Variants in TNKS2 observed in about 807,000 individuals in gnomAD.
The protein encoded by TNKS2 is poly [ADP-ribose] polymerase tankyrase-2.
TNKS2 carries 72 observed loss-of-function variants against 137.6 expected under a neutral mutation model. The ratio of observed to expected loss-of-function variants is 0.52; its 90% confidence interval spans 0.43 to 0.64. TNKS2 has a LOEUF of 0.64. Ranked by LOEUF, TNKS2 falls within the 30% of genes least tolerant of loss-of-function variation. TNKS2 has a pLI of 0.00. For missense variants in TNKS2, 1,049 were observed against 1,410.2 expected, an observed-to-expected ratio of 0.74 and a Z score of 4.10; for synonymous variants, 516 against 512.1, an observed-to-expected ratio of 1.01 and a Z score of -0.10.
intron 12 of TNKS2, chr10:91,836,664 A>T: frequency 1.0e-6 from 1 of 985,350 alleles, no homozygotes; most frequent in Non-Finnish European, 1.2e-6. Flanking sequence ...ATGTTCCTTT[A>T]TATTGCTTAC....
chr10:91,826,565 A>G (rs1845077175), intron 7 of TNKS2, among the ~76,000 whole-genome samples: 1 of 152,222 alleles, frequency 6.6e-6, no homozygotes, highest in Non-Finnish European at 1.5e-5. Context: ...GATATATCTA[A>G]TATGTGGCCA....
At chr10:91,841,757 C>T (rs901929052) in intron 15 of TNKS2, among the ~76,000 whole-genome samples, 28 of 152,070 alleles carry the variant, frequency 1.8e-4, no homozygotes, top group African/African-American at 6.5e-4. Flanking sequence ...TATTTACTTA[C>T]AAGCCAGATT....
At chr10:91,831,831 GCAGTTTTTA>G (rs1047998969) in intron 11 of TNKS2, among the ~76,000 whole-genome samples, 1 of 152,060 alleles carries the variant, frequency 6.6e-6, no homozygotes, top group African/African-American at 2.4e-5. Flanking sequence ...ACCTAATTCA[GCAGTTTTTA>G]CAGTTTTTAG....
At chr10:91,810,902 C>CTTTCTTTTT (rs1844475893) in intron 1 of TNKS2, among the ~76,000 whole-genome samples, 3 of 118,636 alleles carry the variant, frequency 2.5e-5, no homozygotes, top group South Asian at 2.8e-4. Context: ...TTTTTCTTTT[C>CTTTCTTTTT]TTTCTCTCTT....
chr10:91,845,672 G>T, intron 17 of TNKS2, 80 bp from the exon 18 acceptor site: 1 of 1,150,082 alleles, frequency 8.7e-7, no homozygotes, highest in Non-Finnish European at 1.2e-6. Flanking sequence ...GTGGAAGTAG[G>T]TACGTAACTA....
chr10:91,861,878 T>TA, intron 25 of TNKS2, 121 bp from the exon 26 acceptor site: 3 of 871,058 alleles, frequency 3.4e-6, no homozygotes, highest in Non-Finnish European at 3.4e-6. Flanking sequence ...GGTGAAATGA[T>TA]AAAAACAATT....
At chr10:91,857,312 C>G in intron 23 of TNKS2, 113 bp from the exon 24 acceptor site, 1 of 511,790 alleles carries the variant, frequency 2.0e-6, no homozygotes, top group Non-Finnish European at 3.4e-6. Context: ...TTTTATATTT[C>G]AGAGTACAGT....
rs1362337851 is a variant in TNKS2 at position 91,844,904 on chromosome 10, T to A, written c.2060-15T>A. 1 of 1,569,946 alleles carries A rather than the reference T, an allele frequency of 6.4e-7. No homozygotes were observed. The highest frequency in any genetic ancestry group is 2.3e-5 in the East Asian group (1 of 44,306). On this transcript the variant is annotated splice_polypyrimidine_tract_variant and intron_variant, in intron 16 of 26. Coordinates refer to ENST00000371627, the MANE Select transcript of TNKS2 (RefSeq NM_025235.4). ...AAAAAACAAGTAAAGTAATTTTACT[T>A]CTTTTCTAAATTAGCTGGTTATAAT... is the stretch of plus-strand genomic sequence containing the variant.
chr10:91,831,669 T>C (rs1049520791), intron 11 of TNKS2, among the ~76,000 whole-genome samples: 1 of 152,218 alleles, frequency 6.6e-6, no homozygotes, highest in Non-Finnish European at 1.5e-5. Context: ...GGTAAGTTAC[T>C]GTTCTTTAGT....
At chr10:91,851,728 TA>T (rs755119549) in intron 21 of TNKS2, among the ~76,000 whole-genome samples, 16 of 152,196 alleles carry the variant, frequency 1.1e-4, no homozygotes, top group Non-Finnish European at 1.5e-4. Flanking sequence ...GGCTAACCCT[TA>T]AAGTACTATA....
In TNKS2 at chr10:91,863,088, T is replaced by C. The variant is rs897547352; in HGVS notation, c.*89T>C. 3.3e-6 allele frequency: 3 copies of C among 907,700 alleles called. No individual in the cohort carries two copies. The highest frequency in any genetic ancestry group is 5.2e-6 in the Non-Finnish European group (3 of 580,342). The allele number at this position is 907,700 out of a possible 1,614,324, so 56.2% of individuals were successfully genotyped here. On this transcript the variant is annotated 3_prime_UTR_variant, in exon 27 of 27. Transcript: ENST00000371627. ...GTTTTACTCCTTTGCTGAAAAAAAATCATCTTGCCCACAGGCCTGTGGCAA... is the reference window on the plus strand; with the variant it reads ...GTTTTACTCCTTTGCTGAAAAAAAACCATCTTGCCCACAGGCCTGTGGCAA...
chr10:91,853,874 T>C (rs1034363842), intron 21 of TNKS2, among the ~76,000 whole-genome samples: 10 of 152,192 alleles, frequency 6.6e-5, no homozygotes, highest in Admixed American at 1.3e-4. Context: ...AACCCAGCAG[T>C]AAAGGATTTG....
chr10:91,825,602 A>G lies in TNKS2; in HGVS notation c.796-1415A>G, dbSNP rs147050329. 4.5e-3 allele frequency among the ~76,000 whole-genome samples: 684 copies of G among 152,336 alleles called. 9 individuals are homozygous for G. The highest frequency in any genetic ancestry group is 0.016 in the African/African-American group (649 of 41,592). On this transcript the variant is annotated intron_variant, in intron 7 of 26. Transcript: ENST00000371627. ...TTTGTAACAACAGAAGTTCTCTAGT[A>G]ATTATAAAAAGCCATGTTACTGCAA...
intron 3 of TNKS2, among the ~76,000 whole-genome samples, chr10:91,818,476 ATGT>A (rs1362803306): frequency 6.6e-6 from 1 of 152,046 alleles, no homozygotes; most frequent in African/African-American, 2.4e-5. Context: ...CATTTCTATA[ATGT>A]TGGTATATTG....
chr10:91,845,495 T>C (rs1664557470), intron 17 of TNKS2, among the ~76,000 whole-genome samples: 1 of 152,254 alleles, frequency 6.6e-6, no homozygotes, highest in Non-Finnish European at 1.5e-5. Flanking sequence ...TTAGAAATTA[T>C]TGAAGTCATA....
chr10:91,857,609 A>G, intron 24 of TNKS2, 79 bp downstream of exon 24: 1 of 822,060 alleles, frequency 1.2e-6, no homozygotes, highest in Non-Finnish European at 1.9e-6. Flanking sequence ...AATAATAATA[A>G]GCCTGTATAT....
intron 1 of TNKS2, among the ~76,000 whole-genome samples, chr10:91,811,786 G>A (rs532843381): frequency 7.2e-5 from 11 of 152,286 alleles, no homozygotes; most frequent in African/African-American, 2.6e-4. Context: ...AGGGCTGGGC[G>A]CAGTGGCTCA....
At position 91,825,525 on chromosome 10, in the gene TNKS2, G is replaced by A. The variant is rs1422097652; in HGVS notation, c.796-1492G>A. The stretch of plus-strand genomic sequence containing the variant: ...CTTTATGATGTCTTTTGCTCCAAAG[G>A]CAAATAGATGAAAGTTAAAAGTGCA... On this transcript the variant is annotated intron_variant, in intron 7 of 26. Transcript: ENST00000371627. Among the ~76,000 whole-genome samples, 6 of 152,080 alleles carry A rather than the reference G, an allele frequency of 3.9e-5. No individual in the cohort carries two copies. The East Asian group carries it at 1.2e-3, about 29-fold the overall frequency.
Position 91,814,340 on chromosome 10 carries a change from G to C in TNKS2, c.424+1133G>C, listed in dbSNP as rs74918832. On this transcript the variant is annotated intron_variant, in intron 2 of 26. Transcript: ENST00000371627. ...TTTTGTATAGCTGTACATAGTGTTT[G>C]TGTTTTAAGCTGTTATTACAAAAGT... Among the ~76,000 whole-genome samples, 685 of 152,268 alleles carry C rather than the reference G, an allele frequency of 4.5e-3. 10 individuals carry two copies. Among genetic ancestry groups the C allele is most frequent in the African/African-American group, 0.016 (651 of 41,558 alleles).
Sources: gnomAD v4.1 joint callset for allele counts (sites outside exome capture counted in the v4.1 genomes callset) on GRCh38, gnomAD v4.1.1 for gene constraint, MANE v1.5 for transcripts, NCBI Gene and HGNC (gene_info 2026-07-23, HGNC 2026-07-21) for gene names.